Variants in HHAT observed in about 807,000 individuals in gnomAD.
HHAT encodes protein-cysteine N-palmitoyltransferase HHAT.
HHAT carries 47 observed loss-of-function variants against 70.8 expected under a neutral mutation model. That is an observed-to-expected ratio of 0.66 (90% CI 0.53 to 0.85). The LOEUF (loss-of-function observed/expected upper bound fraction) is 0.85, where lower values mean the gene tolerates loss of function less well. HHAT is among the 40% of genes least tolerant of loss of function. HHAT has a pLI of 0.00. For missense variants in HHAT, 609 were observed against 604.8 expected, an observed-to-expected ratio of 1.01 and a Z score of -0.07; for synonymous variants, 228 against 247.6, an observed-to-expected ratio of 0.92 and a Z score of 0.74.
At chr1:210,630,607 C>T (rs953309701) in intron 11 of HHAT, among the ~76,000 whole-genome samples, 1 of 152,190 alleles carries the variant, frequency 6.6e-6, no homozygotes, top group African/African-American at 2.4e-5. Context: ...TTGGTAACAG[C>T]CCCCTGCTTT....
chr1:210,603,133 T>C (rs1321948525), intron 10 of HHAT, among the ~76,000 whole-genome samples: 2 of 152,218 alleles, frequency 1.3e-5, no homozygotes, highest in East Asian at 3.8e-4. Context: ...CTGCTCAGTT[T>C]CTTCTGGAGT....
intron 2 of HHAT, among the ~76,000 whole-genome samples, chr1:210,349,652 C>CTT (rs34752131): frequency 0.11 from 14,686 of 135,868 alleles, 1,010 homozygotes; most frequent in Non-Finnish European, 0.15. Flanking sequence ...CTACCTAAAA[C>CTT]TTTTTTTTTT....
chr1:210,656,971 A>T (rs1676562557), intron 11 of HHAT, among the ~76,000 whole-genome samples: 1 of 152,006 alleles, frequency 6.6e-6, no homozygotes, highest in South Asian at 2.1e-4. Context: ...TGTTCCCCAC[A>T]CCCCTTCTTG....
intron 10 of HHAT, among the ~76,000 whole-genome samples, chr1:210,622,717 A>G (rs150536216): frequency 6.6e-6 from 1 of 152,112 alleles, no homozygotes; most frequent in Non-Finnish European, 1.5e-5. Context: ...CTCGGCTCAC[A>G]CTCATTGTCC....
At chr1:210,580,725 T>C (rs1024271459) in intron 9 of HHAT, among the ~76,000 whole-genome samples, 7 of 152,276 alleles carry the variant, frequency 4.6e-5, no homozygotes, top group African/African-American at 1.7e-4. Flanking sequence ...CAGTCTATCA[T>C]TGATGGGCAT....
chr1:210,523,439 T>A (rs2095192156), intron 9 of HHAT, among the ~76,000 whole-genome samples: 1 of 152,188 alleles, frequency 6.6e-6, no homozygotes, highest in South Asian at 2.1e-4. Context: ...CCAAGCCTCC[T>A]GGATCCTGGG....
intron 11 of HHAT, among the ~76,000 whole-genome samples, chr1:210,660,930 A>G (rs1334508662): frequency 7.2e-5 from 11 of 152,226 alleles, no homozygotes; most frequent in Admixed American, 7.2e-4. Context: ...TGGATTAATG[A>G]CTTAACTGTT....
intron 8 of HHAT, among the ~76,000 whole-genome samples, chr1:210,510,659 G>A (rs1174576953): frequency 1.3e-5 from 2 of 152,188 alleles, no homozygotes; most frequent in South Asian, 4.2e-4. Context: ...AGTAATTCGT[G>A]CATTTTAGGG....
intron 6 of HHAT, among the ~76,000 whole-genome samples, chr1:210,409,974 G>C (rs1389589939): frequency 6.6e-6 from 1 of 152,102 alleles, no homozygotes; most frequent in African/African-American, 2.4e-5. Flanking sequence ...TTGCATGCAG[G>C]CAAGAGAGCC....
Position 210,400,596 on chromosome 1 carries a change from C to G in HHAT, c.402C>G (p.Leu134=). The G allele has an allele frequency of 1.9e-6, 3 of 1,614,128 alleles. No individual in the cohort carries two copies. The South Asian group carries it at 3.3e-5, about 18-fold the overall frequency. ...SFCVAQFRSQ[L]LTWLCSLLLL... Reference sequence around the variant, plus strand: ...GCGTGGCCCAGTTCCGGTCTCAGCTCCTGACGTGGCTCTGTTCTCTCCTCC... The same window carrying G: ...GCGTGGCCCAGTTCCGGTCTCAGCTGCTGACGTGGCTCTGTTCTCTCCTCC... Residue 134 remains leucine, a synonymous_variant, in exon 5 of 12, where the codon CTC becomes CTG. Coordinates refer to ENST00000261458, the MANE Select transcript of HHAT (RefSeq NM_018194.6).
At chr1:210,382,683 A>G (rs925492739) in intron 3 of HHAT, among the ~76,000 whole-genome samples, 2 of 152,194 alleles carry the variant, frequency 1.3e-5, no homozygotes, top group African/African-American at 4.8e-5. Context: ...GGAGGTAGGT[A>G]TGGGAAAGCT....
intron 9 of HHAT, among the ~76,000 whole-genome samples, chr1:210,548,199 CGAAGA>C (rs1558139264): frequency 1.3e-5 from 2 of 152,074 alleles, no homozygotes; most frequent in Admixed American, 6.6e-5. Flanking sequence ...GGGAAAGCAC[CGAAGA>C]ACACCTAGGA....
intron 11 of HHAT, among the ~76,000 whole-genome samples, chr1:210,671,486 G>A (rs1680066384): frequency 6.6e-6 from 1 of 152,222 alleles, no homozygotes; most frequent in South Asian, 2.1e-4. Flanking sequence ...CTCAGAATGT[G>A]ACTTCATTTG....
intron 11 of HHAT, among the ~76,000 whole-genome samples, chr1:210,666,230 C>G (rs1218044115): frequency 6.6e-6 from 1 of 152,222 alleles, no homozygotes; most frequent in Admixed American, 6.5e-5. Flanking sequence ...TTCAGCAACT[C>G]AATTAACTCA....
chr1:210,637,004 T>C (rs1002260981), intron 11 of HHAT, among the ~76,000 whole-genome samples: 3 of 152,188 alleles, frequency 2.0e-5, no homozygotes, highest in Non-Finnish European at 4.4e-5. Context: ...ACCTCTCTAC[T>C]ACTCAAATTC....
intron 3 of HHAT, among the ~76,000 whole-genome samples, chr1:210,370,163 C>CTTTTTTTT (rs200442278): frequency 8.2e-6 from 1 of 122,384 alleles, no homozygotes; most frequent in African/African-American, 3.4e-5. Context: ...TCTTCAATGA[C>CTTTTTTTT]TTTTTTTTTT....
chr1:210,465,532 C>G (rs1238116112), intron 8 of HHAT, among the ~76,000 whole-genome samples: 2 of 152,168 alleles, frequency 1.3e-5, no homozygotes, highest in Non-Finnish European at 2.9e-5. Flanking sequence ...ATTTTTGAGA[C>G]AAGTTCTCAC....
intron 7 of HHAT, among the ~76,000 whole-genome samples, chr1:210,436,563 C>T (rs1378980471): frequency 6.6e-6 from 1 of 151,524 alleles, no homozygotes; most frequent in Non-Finnish European, 1.5e-5. Context: ...GGGTTTGTGA[C>T]TCTCCCCTTC....
At chr1:210,661,639 T>C (rs927538375) in intron 11 of HHAT, among the ~76,000 whole-genome samples, 1 of 152,148 alleles carries the variant, frequency 6.6e-6, no homozygotes, top group Non-Finnish European at 1.5e-5. Context: ...TAGCAAAAAC[T>C]TGGAACCAAC....
Sources: allele counts gnomAD v4.1 joint callset (sites outside exome capture counted in the v4.1 genomes callset), GRCh38; gene constraint gnomAD v4.1.1; transcripts MANE v1.5; gene names NCBI Gene and HGNC (gene_info 2026-07-23, HGNC 2026-07-21).